The following PALM2AKAP2 variants were observed in gnomAD, a reference collection of about 807,000 sequenced individuals.
PALM2AKAP2 encodes PALM2-AKAP2 fusion protein.
PALM2AKAP2 carries 37 observed loss-of-function variants against 71.5 expected under a neutral mutation model. The observed-to-expected ratio is 0.52, with a 90% confidence interval of 0.40 to 0.68. PALM2AKAP2 has a LOEUF of 0.68. Ranked by LOEUF, PALM2AKAP2 falls within the 30% of genes least tolerant of loss-of-function variation. The pLI, the probability that PALM2AKAP2 is intolerant of heterozygous loss-of-function variation, is 0.00. For synonymous variants in PALM2AKAP2, 468 were observed against 478.8 expected, an observed-to-expected ratio of 0.98 and a Z score of 0.29; for missense variants, 1,224 against 1,191.8, an observed-to-expected ratio of 1.03 and a Z score of -0.40.
At chr9:110,068,668 A>G (rs1834139593) in intron 1 of PALM2AKAP2, among the ~76,000 whole-genome samples, 1 of 151,966 alleles carries the variant, frequency 6.6e-6, no homozygotes, top group African/African-American at 2.4e-5. Context: ...AGTAGCTGAG[A>G]CCACAGGTGT....
exon 1 of PALM2AKAP2, chr9:109,780,462 T>G: frequency 6.2e-7 from 1 of 1,612,990 alleles, no homozygotes. Flanking sequence ...CTTTCCTCTT[T>G]CCCCTGCCTG....
intron 3 of PALM2AKAP2, among the ~76,000 whole-genome samples, chr9:109,887,856 TTGAG>T (rs1226171360): frequency 6.6e-6 from 1 of 152,216 alleles, no homozygotes; most frequent in East Asian, 1.9e-4. Context: ...ACCTCTGATA[TTGAG>T]TGAAATTACA....
At chr9:109,736,842 A>G (rs530672040) in intron 1 of PALM2AKAP2, among the ~76,000 whole-genome samples, 2 of 152,140 alleles carry the variant, frequency 1.3e-5, no homozygotes, top group Non-Finnish European at 2.9e-5. Flanking sequence ...AAGCCTGGAG[A>G]AAAGCATCTC....
intron 1 of PALM2AKAP2, among the ~76,000 whole-genome samples, chr9:109,782,153 A>G (rs907703742): frequency 1.1e-4 from 17 of 152,216 alleles, no homozygotes; most frequent in Admixed American, 6.5e-5. Flanking sequence ...AGCTGCTAAC[A>G]CTGGGGTACC....
intron 1 of PALM2AKAP2, among the ~76,000 whole-genome samples, chr9:109,674,085 T>G (rs1827614142): frequency 6.6e-6 from 1 of 152,062 alleles, no homozygotes; most frequent in Admixed American, 6.6e-5. Flanking sequence ...CAGTGGTGTT[T>G]TTCTTCTGTA....
chr9:110,128,491 GAACTTATA>G (rs1415653846), intron 1 of PALM2AKAP2, among the ~76,000 whole-genome samples: 1 of 152,196 alleles, frequency 6.6e-6, no homozygotes, highest in African/African-American at 2.4e-5. Context: ...ATTTTTGGTG[GAACTTATA>G]AATAACTGGA....
At chr9:109,919,691 G>A (rs895668092) in intron 3 of PALM2AKAP2, among the ~76,000 whole-genome samples, 2 of 151,058 alleles carry the variant, frequency 1.3e-5, no homozygotes, top group African/African-American at 4.9e-5. Context: ...ACATTATTGG[G>A]ATATATATTA....
intron 6 of PALM2AKAP2, among the ~76,000 whole-genome samples, chr9:109,984,713 TTA>T (rs1832341056): frequency 6.8e-6 from 1 of 146,884 alleles, no homozygotes; most frequent in African/African-American, 2.5e-5. Flanking sequence ...TTTTTTTTTT[TTA>T]AAGAAAAATC....
intron 1 of PALM2AKAP2, among the ~76,000 whole-genome samples, chr9:109,691,483 T>C (rs1258972935): frequency 6.6e-6 from 1 of 151,988 alleles, no homozygotes; most frequent in African/African-American, 2.4e-5. Flanking sequence ...CTACCTGTAT[T>C]TGAACAGGTA....
At chr9:109,739,792 T>C (rs1457535499) in intron 1 of PALM2AKAP2, among the ~76,000 whole-genome samples, 1 of 152,210 alleles carries the variant, frequency 6.6e-6, no homozygotes, top group Non-Finnish European at 1.5e-5. Flanking sequence ...AGAAACTCCA[T>C]GCCTGGCCCT....
intron 1 of PALM2AKAP2, among the ~76,000 whole-genome samples, chr9:109,688,701 G>A (rs920411300): frequency 6.6e-6 from 1 of 152,228 alleles, no homozygotes; most frequent in Admixed American, 6.5e-5. Flanking sequence ...GAGAGATTAA[G>A]CTTGCAGTAT....
chr9:110,161,902 A>G lies in PALM2AKAP2; in HGVS notation c.2748+5405A>G, dbSNP rs541347484. 2.6e-5 allele frequency among the ~76,000 whole-genome samples: 4 copies of G among 151,992 alleles called. No homozygotes were observed. In the East Asian group the frequency reaches 7.7e-4, roughly 29 times the overall value. ...TTTATTAGTGAACAATAGGGTATCT[A>G]GTTGCTGCAAAGAATAGACTTATAA... On this transcript the variant is annotated intron_variant, in intron 3 of 3. Transcript: ENST00000374525.
At chr9:109,971,384 C>T (rs1160636922) in intron 6 of PALM2AKAP2, among the ~76,000 whole-genome samples, 1 of 139,236 alleles carries the variant, frequency 7.2e-6, no homozygotes, top group African/African-American at 2.7e-5. Context: ...CCAGGCCATT[C>T]AGAGCTTTTG....
chr9:109,824,715 T>G (rs2131507350), intron 1 of PALM2AKAP2, among the ~76,000 whole-genome samples: 1 of 152,322 alleles, frequency 6.6e-6, no homozygotes, highest in East Asian at 1.9e-4. Flanking sequence ...AACAGGCAGA[T>G]GTATGTATGT....
At chr9:109,915,455 G>T (rs992649433) in intron 3 of PALM2AKAP2, among the ~76,000 whole-genome samples, 2 of 152,138 alleles carry the variant, frequency 1.3e-5, no homozygotes, top group Non-Finnish European at 2.9e-5. Context: ...AGGTAAAAGG[G>T]CAAGTGGTCA....
intron 6 of PALM2AKAP2, among the ~76,000 whole-genome samples, chr9:109,970,570 A>G (rs1043592864): frequency 6.6e-6 from 1 of 152,172 alleles, no homozygotes; most frequent in Non-Finnish European, 1.5e-5. Flanking sequence ...ACTACTTACA[A>G]TGCAAAAAGA....
chr9:110,093,218 A>C (rs906341994), intron 1 of PALM2AKAP2, among the ~76,000 whole-genome samples: 13 of 151,556 alleles, frequency 8.6e-5, no homozygotes, highest in Non-Finnish European at 1.6e-4. Flanking sequence ...AATAAGCAAA[A>C]GTTTCAGAAT....
chr9:110,030,217 C>A (rs1161864951), intron 7 of PALM2AKAP2, among the ~76,000 whole-genome samples: 1 of 152,120 alleles, frequency 6.6e-6, no homozygotes, highest in Non-Finnish European at 1.5e-5. Context: ...GGGGGAAGGG[C>A]AGTAAATGAT....
chr9:109,922,718 A>G (rs1830863350), intron 3 of PALM2AKAP2, among the ~76,000 whole-genome samples: 1 of 152,132 alleles, frequency 6.6e-6, no homozygotes, highest in Non-Finnish European at 1.5e-5. Flanking sequence ...CTGCCAATAT[A>G]TGTAATGTTT....
Sources: gnomAD v4.1 joint callset for allele counts (sites outside exome capture counted in the v4.1 genomes callset) on GRCh38, gnomAD v4.1.1 for gene constraint, MANE v1.5 for transcripts, NCBI Gene and HGNC (gene_info 2026-07-23, HGNC 2026-07-21) for gene names.